Variants in DLGAP2 observed in about 807,000 individuals in gnomAD.
DLGAP2 encodes the protein disks large-associated protein 2.
A neutral mutation model predicts 100.3 loss-of-function variants in DLGAP2; 26 were observed. The observed-to-expected ratio is 0.26, with a 90% CI of 0.19 to 0.36. DLGAP2 has a LOEUF of 0.36. DLGAP2 is among the 10% of genes least tolerant of loss of function. DLGAP2 has a pLI of 1.00. For missense variants in DLGAP2, 1,858 were observed against 1,453.2 expected, an observed-to-expected ratio of 1.28 and a Z score of -4.53; for synonymous variants, 886 against 630.1, an observed-to-expected ratio of 1.41 and a Z score of -6.08.
At chr8:1,241,493 A>G (rs1398018547) in intron 2 of DLGAP2, among the ~76,000 whole-genome samples, 1 of 151,698 alleles carries the variant, frequency 6.6e-6, no homozygotes, top group Non-Finnish European at 1.5e-5. Flanking sequence ...TACTGCAGTT[A>G]CTCTCGGAGG....
intron 3 of DLGAP2, among the ~76,000 whole-genome samples, chr8:1,475,996 G>T (rs1000960283): frequency 6.6e-6 from 1 of 152,146 alleles, no homozygotes; most frequent in Non-Finnish European, 1.5e-5. Flanking sequence ...TGGAGGCAGA[G>T]CTGGCCAACA....
chr8:1,120,247 C>T (rs532046522), intron 2 of DLGAP2, among the ~76,000 whole-genome samples: 3 of 152,086 alleles, frequency 2.0e-5, no homozygotes, highest in East Asian at 1.9e-4. Flanking sequence ...CACCCAGACA[C>T]GGAGGGGTCA....
chr8:1,293,021 G>A (rs974038550), intron 3 of DLGAP2, among the ~76,000 whole-genome samples: 3 of 152,126 alleles, frequency 2.0e-5, no homozygotes, highest in African/African-American at 7.2e-5. Flanking sequence ...CCTAAGACAG[G>A]TGCTTATCCA....
chr8:1,516,171 G>T (rs1800369362), intron 4 of DLGAP2, among the ~76,000 whole-genome samples: 1 of 152,176 alleles, frequency 6.6e-6, no homozygotes, highest in South Asian at 2.1e-4. Context: ...TTGGATGAGT[G>T]ACCAAGTGAG....
chr8:1,453,638 T>C (rs1349152300), intron 3 of DLGAP2, among the ~76,000 whole-genome samples: 4 of 152,156 alleles, frequency 2.6e-5, no homozygotes, highest in African/African-American at 9.7e-5. Flanking sequence ...ATTCAACCTG[T>C]GCCTGCAACA....
rs868058688 is a variant in DLGAP2 at position 1,463,581 on chromosome 8, G to C, written c.107-37785G>C. 3.3e-5 allele frequency among the ~76,000 whole-genome samples: 5 copies of C among 152,260 alleles called. 1 individual carries two copies. The South Asian group carries it at 1.0e-3, about 31-fold the overall frequency. Reference sequence around the variant, plus strand: ...AGCTGGTCCGGCCTCGCGTTGAGGGGTCCAGTGGTTTAAGCCTGAGTTCTG... The same window carrying C: ...AGCTGGTCCGGCCTCGCGTTGAGGGCTCCAGTGGTTTAAGCCTGAGTTCTG... On this transcript the variant is annotated intron_variant, in intron 3 of 14. Transcript: ENST00000637795.
chr8:1,259,244 C>T (rs1440763186), intron 3 of DLGAP2, among the ~76,000 whole-genome samples: 2 of 152,264 alleles, frequency 1.3e-5, no homozygotes, highest in African/African-American at 2.4e-5. Context: ...CAGGCTGAGT[C>T]GGATCTGGGA....
chr8:1,360,150 G>C (rs1391083149), intron 3 of DLGAP2, among the ~76,000 whole-genome samples: 1 of 150,658 alleles, frequency 6.6e-6, no homozygotes. Flanking sequence ...TGTGACCTTG[G>C]TGCAGGTGCA....
At chr8:766,122 G>C (rs1288043354) in intron 1 of DLGAP2, among the ~76,000 whole-genome samples, 2 of 152,152 alleles carry the variant, frequency 1.3e-5, no homozygotes, top group Non-Finnish European at 1.5e-5. Context: ...AGTCGAGATT[G>C]TGCCATTACA....
intron 1 of DLGAP2, among the ~76,000 whole-genome samples, chr8:841,579 T>C (rs1796984511): frequency 6.7e-6 from 1 of 150,316 alleles, no homozygotes; most frequent in South Asian, 2.1e-4. Context: ...ATACATGTGA[T>C]TTTTTTTTTG....
At chr8:791,049 G>A (rs947211406) in intron 1 of DLGAP2, among the ~76,000 whole-genome samples, 4 of 152,170 alleles carry the variant, frequency 2.6e-5, no homozygotes, top group Non-Finnish European at 5.9e-5. Flanking sequence ...GGACCAACAT[G>A]CATTTTTGAG....
intron 12 of DLGAP2, among the ~76,000 whole-genome samples, chr8:1,682,428 G>A (rs1011300075): frequency 5.9e-5 from 9 of 151,944 alleles, no homozygotes; most frequent in Admixed American, 1.3e-4. Flanking sequence ...ATTTGATGAC[G>A]TATAGGGACC....
chr8:1,560,034 G>A (rs1802107311), intron 5 of DLGAP2, among the ~76,000 whole-genome samples: 2 of 152,292 alleles, frequency 1.3e-5, no homozygotes, highest in South Asian at 4.2e-4. Flanking sequence ...CTCCTGTACC[G>A]AATTGTAATG....
At chr8:1,419,802 G>T (rs1797039763) in intron 3 of DLGAP2, among the ~76,000 whole-genome samples, 2 of 152,126 alleles carry the variant, frequency 1.3e-5, no homozygotes, top group South Asian at 2.1e-4. Flanking sequence ...CAGCATGGAG[G>T]TTCCTCAAAA....
chr8:973,797 A>C (rs1800087256), intron 2 of DLGAP2, among the ~76,000 whole-genome samples: 1 of 151,454 alleles, frequency 6.6e-6, no homozygotes, highest in African/African-American at 2.4e-5. Flanking sequence ...CGGAGCGCGA[A>C]TCCGGGGCTC....
intron 3 of DLGAP2, among the ~76,000 whole-genome samples, chr8:1,457,810 A>G (rs1798356983): frequency 1.3e-5 from 2 of 151,888 alleles, no homozygotes; most frequent in African/African-American, 4.8e-5. Context: ...TGATGGCAAC[A>G]AATAGCTGTT....
At chr8:1,289,111 C>G (rs1443388189) in intron 3 of DLGAP2, among the ~76,000 whole-genome samples, 1 of 152,114 alleles carries the variant, frequency 6.6e-6, no homozygotes, top group Non-Finnish European at 1.5e-5. Context: ...CATGAAGGCC[C>G]CTGAATTGAG....
At chr8:1,560,542 T>C (rs1028763345) in intron 5 of DLGAP2, among the ~76,000 whole-genome samples, 14 of 152,186 alleles carry the variant, frequency 9.2e-5, no homozygotes, top group African/African-American at 3.4e-4. Context: ...GGCTGCATTG[T>C]CTTGGGGAAG....
chr8:1,163,600 G>T (rs62487492), intron 2 of DLGAP2, among the ~76,000 whole-genome samples: 169 of 152,282 alleles, frequency 1.1e-3, no homozygotes, highest in Non-Finnish European at 1.9e-3. Context: ...GAACGCGGTT[G>T]TGTAACTGAC....
Sources: allele counts gnomAD v4.1 joint callset (sites outside exome capture counted in the v4.1 genomes callset), GRCh38; gene constraint gnomAD v4.1.1; transcripts MANE v1.5; gene names NCBI Gene and HGNC (gene_info 2026-07-23, HGNC 2026-07-21).